MINPP1: variants seen among roughly 807,000 people sequenced by gnomAD.
MINPP1 encodes multiple inositol polyphosphate phosphatase 1.
In MINPP1, 28 loss-of-function variants were observed where a neutral mutation model predicts 46.1. The ratio of observed to expected loss-of-function variants is 0.61; its 90% confidence interval spans 0.45 to 0.83. The LOEUF is 0.83. Ranked by LOEUF, MINPP1 falls within the 40% of genes least tolerant of loss-of-function variation. The pLI, the probability that MINPP1 is intolerant of heterozygous loss-of-function variation, is 0.00. For synonymous variants in MINPP1, 268 were observed against 249.1 expected, an observed-to-expected ratio of 1.08 and a Z score of -0.72; for missense variants, 603 against 610.0, an observed-to-expected ratio of 0.99 and a Z score of 0.12.
intron 4 of MINPP1, among the ~76,000 whole-genome samples, chr10:87,542,199 C>G (rs1398215746): frequency 2.0e-5 from 3 of 152,120 alleles, no homozygotes; most frequent in Non-Finnish European, 4.4e-5. Context: ...TTTGGTATAC[C>G]TCCTATTCCA....
chr10:87,538,811 C>T (rs1343362329), intron 4 of MINPP1, among the ~76,000 whole-genome samples: 1 of 152,182 alleles, frequency 6.6e-6, no homozygotes, highest in Non-Finnish European at 1.5e-5. Flanking sequence ...TAAAAACATA[C>T]TTTGCATAAC....
intron 4 of MINPP1, among the ~76,000 whole-genome samples, chr10:87,532,858 A>G (rs1214044256): frequency 6.6e-6 from 1 of 152,204 alleles, no homozygotes; most frequent in Non-Finnish European, 1.5e-5. Flanking sequence ...GAAAGTACAG[A>G]GAGTTCCTAC....
intron 4 of MINPP1, among the ~76,000 whole-genome samples, chr10:87,549,665 G>A (rs573074789): frequency 1.1e-4 from 16 of 152,210 alleles, no homozygotes; most frequent in Non-Finnish European, 2.2e-4. Context: ...GAGTTCTTCT[G>A]TGGGGGAAAG....
intron 4 of MINPP1, among the ~76,000 whole-genome samples, chr10:87,548,074 A>G (rs1851912896): frequency 6.6e-6 from 1 of 152,168 alleles, no homozygotes; most frequent in South Asian, 2.1e-4. Context: ...CTAAAAGGGT[A>G]TGACAGAACC....
In MINPP1 at chr10:87,505,100, C is replaced by T; in HGVS notation, c.185C>T (p.Ser62Leu). The change falls in exon 1 of 5, where the codon TCG becomes TTG. Residue 62 changes from serine to leucine, a missense_variant. By Grantham distance (145) the Ser-to-Leu change is moderately radical (BLOSUM62 -2). This residue lies in a region of MINPP1 where 239 missense variants were observed against 189.4 expected (regional missense o/e 1.26). Transcript: ENST00000371996. This position sits in a 1 kb window ranked among gnomAD's most constrained non-coding sequence, Gnocchi z 4.4. Reference protein sequence around the residue: ...RYEDVNPVLLSGPEAPWRDPE... With the variant: ...RYEDVNPVLLLGPEAPWRDPE... ...GAGGATGTCAACCCCGTGCTATTGT[C>T]GGGCCCCGAGGCTCCGTGGCGGGAC... is the stretch of plus-strand genomic sequence containing the variant. The T allele has an allele frequency of 1.2e-6, 2 of 1,613,454 alleles. No homozygotes were observed. The highest frequency in any genetic ancestry group is 1.7e-6 in the Non-Finnish European group (2 of 1,179,856).
At chr10:87,518,866 T>C (rs1851453073) in intron 3 of MINPP1, among the ~76,000 whole-genome samples, 1 of 152,216 alleles carries the variant, frequency 6.6e-6, no homozygotes, top group Non-Finnish European at 1.5e-5. Context: ...TTCCATGTCC[T>C]CCCTGGGCAT....
At position 87,525,663 on chromosome 10, in the gene MINPP1, G is replaced by A. The variant is rs964832942; in HGVS notation, c.1067+4494G>A. Among the ~76,000 whole-genome samples, 17 of 152,124 alleles carry A rather than the reference G, an allele frequency of 1.1e-4. No individual in the cohort carries two copies. In the Middle Eastern group the frequency reaches 0.01, roughly 91 times the overall value. ...CTGCACCCATTAACTCGTCATTTAC[G>A]TTAGGTATATCTCCTAATGCTATCC... On this transcript the variant is annotated intron_variant, in intron 4 of 4. Transcript: ENST00000371996.
intron 3 of MINPP1, among the ~76,000 whole-genome samples, chr10:87,519,110 C>G (rs893299803): frequency 7.1e-6 from 1 of 140,130 alleles, no homozygotes; most frequent in Admixed American, 7.1e-5. Context: ...GCCTAACACA[C>G]CCAGCATTAT....
intron 4 of MINPP1, among the ~76,000 whole-genome samples, chr10:87,534,716 C>T (rs1250010146): frequency 6.6e-6 from 1 of 152,146 alleles, no homozygotes; most frequent in East Asian, 1.9e-4. Flanking sequence ...AAACCTCACA[C>T]ACACAAAACC....
chr10:87,539,050 TCTC>T (rs1221175480), intron 4 of MINPP1, among the ~76,000 whole-genome samples: 1 of 152,154 alleles, frequency 6.6e-6, no homozygotes, highest in Non-Finnish European at 1.5e-5. Flanking sequence ...CATAATAAAA[TCTC>T]CTCACCAATT....
chr10:87,532,310 A>G (rs1248639867), intron 4 of MINPP1, among the ~76,000 whole-genome samples: 1 of 152,256 alleles, frequency 6.6e-6, no homozygotes, highest in Non-Finnish European at 1.5e-5. Context: ...TTTATATGTC[A>G]GGCAGTGATG....
intron 4 of MINPP1, among the ~76,000 whole-genome samples, chr10:87,526,005 G>A (rs1023192548): frequency 1.1e-4 from 16 of 152,222 alleles, no homozygotes; most frequent in South Asian, 2.1e-4. Flanking sequence ...GAATAGTGCC[G>A]CAATAAACAT....
Position 87,523,959 on chromosome 10 carries a change from A to G in MINPP1, c.1067+2790A>G, listed in dbSNP as rs575047072. ...CTTTGTTGTTCTATTTATAGAGCACAGGCAGAATAGATTTAGCATAATTCT... is the reference window on the plus strand; with the variant it reads ...CTTTGTTGTTCTATTTATAGAGCACGGGCAGAATAGATTTAGCATAATTCT... On this transcript the variant is annotated intron_variant, in intron 4 of 4. Transcript: ENST00000371996. Among the ~76,000 whole-genome samples the G allele has an allele frequency of 7.9e-5, 12 of 152,352 alleles. No individual in the cohort carries two copies. The South Asian group carries it at 2.1e-3, about 26-fold the overall frequency.
At chr10:87,523,319 TTAAA>T (rs774691020) in intron 4 of MINPP1, among the ~76,000 whole-genome samples, 2 of 152,076 alleles carry the variant, frequency 1.3e-5, no homozygotes, top group Non-Finnish European at 2.9e-5. Context: ...CATTTATTTC[TTAAA>T]TAAATAATAT....
chr10:87,526,089 TG>T (rs1851572420), intron 4 of MINPP1, among the ~76,000 whole-genome samples: 2 of 152,264 alleles, frequency 1.3e-5, no homozygotes, highest in Non-Finnish European at 2.9e-5. Flanking sequence ...GATGGCTGGG[TG>T]AAATGGTATT....
intron 4 of MINPP1, among the ~76,000 whole-genome samples, chr10:87,542,478 T>G (rs1358754741): frequency 6.6e-6 from 1 of 152,130 alleles, no homozygotes; most frequent in African/African-American, 2.4e-5. Context: ...TTTTGTATTT[T>G]TAGTAGAGAC....
At chr10:87,547,859 A>T (rs1205114251) in intron 4 of MINPP1, among the ~76,000 whole-genome samples, 1 of 152,156 alleles carries the variant, frequency 6.6e-6, no homozygotes, top group Non-Finnish European at 1.5e-5. Flanking sequence ...CTCTGTGGCA[A>T]ACACTACCAT....
At chr10:87,510,315 A>C (rs896037683) in intron 2 of MINPP1, among the ~76,000 whole-genome samples, 3 of 152,220 alleles carry the variant, frequency 2.0e-5, no homozygotes, top group Non-Finnish European at 4.4e-5. Flanking sequence ...ATTTTTACTT[A>C]ACAATATATT....
At chr10:87,519,044 G>C (rs1045729487) in intron 3 of MINPP1, among the ~76,000 whole-genome samples, 2 of 152,116 alleles carry the variant, frequency 1.3e-5, no homozygotes, top group Non-Finnish European at 2.9e-5. Context: ...TTCTGCCTCC[G>C]CACAGGTGAA....
Sources: allele counts gnomAD v4.1 joint callset (sites outside exome capture counted in the v4.1 genomes callset), GRCh38; gene constraint gnomAD v4.1.1; regional missense constraint gnomAD v4.1.1; non-coding constraint Gnocchi (gnomAD v3.1); transcripts MANE v1.5; gene names NCBI Gene and HGNC (gene_info 2026-07-23, HGNC 2026-07-21).